The following DTNA variants were observed in gnomAD, a reference collection of about 807,000 sequenced individuals.
DTNA encodes the protein dystrophin-related protein 3.
A neutral mutation model predicts 100.7 loss-of-function variants in DTNA; 43 were observed. The observed-to-expected ratio is 0.43, with a 90% CI of 0.33 to 0.55. The LOEUF (loss-of-function observed/expected upper bound fraction) is 0.55, where lower values mean the gene tolerates loss of function less well. Ranked by LOEUF, DTNA falls within the 20% of genes least tolerant of loss-of-function variation. The probability of loss-of-function intolerance (pLI) is 0.04; values close to 1 mark genes in which losing one functional copy is unlikely to be tolerated. For missense variants in DTNA, 798 were observed against 953.9 expected (o/e 0.84, Z 2.15); for synonymous variants, 349 against 347.9 (o/e 1.00, Z -0.04).
rs542605018 is a variant in DTNA, at chr18:34,851,773, C to G, written c.1435-58C>G. On this transcript the variant is annotated intron_variant, in intron 14 of 22. Coordinates refer to ENST00000444659, the MANE Select transcript of DTNA (RefSeq NM_001386795.1). ...CTGCATATCTCATGACTCCTGCCTTCCCAAATACATAGGTTCACATTCTCA... is the reference window on the plus strand; with the variant it reads ...CTGCATATCTCATGACTCCTGCCTTGCCAAATACATAGGTTCACATTCTCA... The G allele has an allele frequency of 7.1e-5, 112 of 1,570,526 alleles. 1 individual carries two copies. In the South Asian group the frequency reaches 1.2e-3, roughly 17 times the overall value.
chr18:34,527,457 T>G (rs575741043), intron 1 of DTNA, among the ~76,000 whole-genome samples: 2 of 152,120 alleles, frequency 1.3e-5, no homozygotes, highest in East Asian at 3.9e-4. Flanking sequence ...AGACAGAAAC[T>G]TCAGCAAAAT....
At chr18:34,867,331 T>A (rs946461568) in intron 17 of DTNA, 1 of 1,229,378 alleles carries the variant, frequency 8.1e-7, no homozygotes, top group Non-Finnish European at 1.0e-6. Context: ...AGATAATGTA[T>A]TACATTATTT....
At chr18:34,666,434 C>A (rs1309017009) in intron 1 of DTNA, among the ~76,000 whole-genome samples, 1 of 151,850 alleles carries the variant, frequency 6.6e-6, no homozygotes, top group Non-Finnish European at 1.5e-5. Flanking sequence ...AATTAGATCC[C>A]ATTTGTCAAT....
chr18:34,576,749 A>G (rs573842763), intron 1 of DTNA, among the ~76,000 whole-genome samples: 12 of 152,304 alleles, frequency 7.9e-5, no homozygotes, highest in African/African-American at 2.6e-4. Flanking sequence ...ATGAGCAACC[A>G]TGCCCAGCCG....
At chr18:34,842,617 C>T (rs764536724) in intron 13 of DTNA, among the ~76,000 whole-genome samples, 31 of 152,020 alleles carry the variant, frequency 2.0e-4, no homozygotes, top group Non-Finnish European at 4.1e-4. Flanking sequence ...ATTCCTCCAA[C>T]GAACCAAGCT....
At chr18:34,883,054 C>A (rs1384203376) in intron 21 of DTNA, among the ~76,000 whole-genome samples, 2 of 152,182 alleles carry the variant, frequency 1.3e-5, no homozygotes, top group Non-Finnish European at 1.5e-5. Context: ...CTGAACATGA[C>A]ATATACAATT....
intron 1 of DTNA, among the ~76,000 whole-genome samples, chr18:34,654,342 G>C (rs181763608): frequency 9.1e-4 from 138 of 152,294 alleles, no homozygotes; most frequent in African/African-American, 3.3e-3. Context: ...ACCAGTTACT[G>C]AGTGACAGTC....
chr18:34,806,447 T>A, intron 5 of DTNA, 143 bp downstream of exon 5: 1 of 746,432 alleles, frequency 1.3e-6, no homozygotes, highest in Non-Finnish European at 2.3e-6. Flanking sequence ...TTCACTGATG[T>A]TTGGATTTTG....
chr18:34,866,294 A>G (rs995387671), intron 17 of DTNA: 5 of 1,511,538 alleles, frequency 3.3e-6, no homozygotes, highest in Non-Finnish European at 4.4e-6. Context: ...TTGAATTGAG[A>G]TATATAAATT....
intron 19 of DTNA, among the ~76,000 whole-genome samples, chr18:34,878,451 T>C (rs930534188): frequency 1.3e-5 from 2 of 152,080 alleles, no homozygotes; most frequent in Non-Finnish European, 2.9e-5. Context: ...GATGCTAAGG[T>C]TATTTTATAG....
chr18:34,694,671 A>G (rs2080257584), intron 1 of DTNA, among the ~76,000 whole-genome samples: 1 of 152,226 alleles, frequency 6.6e-6, no homozygotes, highest in South Asian at 2.1e-4. Context: ...TGGATAAGTA[A>G]GGTGGCTGTC....
chr18:34,590,100 C>T (rs1333947034), intron 1 of DTNA, among the ~76,000 whole-genome samples: 1 of 152,120 alleles, frequency 6.6e-6, no homozygotes, highest in East Asian at 1.9e-4. Flanking sequence ...TGATGTATTT[C>T]CTTTGGGTAT....
intron 1 of DTNA, among the ~76,000 whole-genome samples, chr18:34,555,213 G>A (rs2045898535): frequency 7.1e-6 from 1 of 141,724 alleles, no homozygotes; most frequent in Admixed American, 6.9e-5. Context: ...TGTGGGATCG[G>A]TGGTGATATC....
intron 1 of DTNA, among the ~76,000 whole-genome samples, chr18:34,746,164 A>T (rs1164674130): frequency 2.0e-5 from 3 of 151,690 alleles, no homozygotes; most frequent in Non-Finnish European, 4.4e-5. Flanking sequence ...AAGGTTAATT[A>T]AAAAAACAGT....
At chr18:34,640,630 A>G (rs748586472) in intron 1 of DTNA, among the ~76,000 whole-genome samples, 15 of 152,332 alleles carry the variant, frequency 9.8e-5, no homozygotes, top group South Asian at 2.1e-4. Context: ...AGTCCTACCA[A>G]TCTTTCTAGG....
intron 1 of DTNA, among the ~76,000 whole-genome samples, chr18:34,617,434 C>A (rs1199394907): frequency 6.6e-6 from 1 of 152,042 alleles, no homozygotes; most frequent in Admixed American, 6.6e-5. Context: ...ATTTATTGAT[C>A]TGGGTATGTT....
intron 17 of DTNA, chr18:34,867,907 C>T: frequency 1.0e-6 from 1 of 985,402 alleles, no homozygotes; most frequent in Non-Finnish European, 1.2e-6. Flanking sequence ...GACCAGGGCC[C>T]ACGTCACCCA....
Position 34,875,242 on chromosome 18 carries a change from CAG to C in DTNA, c.1748_1749del (p.Gln583ArgfsTer60), listed in dbSNP as rs2096803501. ...ATGACCTGCATTGTCTCTCCAGACT[CAG>C]GGGGCAGGCTCTCCCCGCTCCTCCC... ...LEGLMKLLKTQGAGSPRSSPS... is the reference protein window; with the variant it reads ...LEGLMKLLKTXGAGSPRSSPS... On this transcript the variant is annotated frameshift_variant, in exon 18 of 23. Coordinates refer to ENST00000444659, the MANE Select transcript of DTNA (RefSeq NM_001386795.1). LOFTEE classifies it high-confidence loss of function. 6.2e-7 allele frequency: 1 copy of C among 1,613,754 alleles called. No individual in the cohort carries two copies. Among genetic ancestry groups the C allele is most frequent in the Non-Finnish European group, 8.5e-7 (1 of 1,179,858 alleles).
chr18:34,880,361 A>G (rs1313183149), intron 20 of DTNA, among the ~76,000 whole-genome samples: 1 of 152,198 alleles, frequency 6.6e-6, no homozygotes, highest in African/African-American at 2.4e-5. Flanking sequence ...GTCAACAGAG[A>G]AAACCAAAGC....
Sources: allele counts gnomAD v4.1 joint callset (sites outside exome capture counted in the v4.1 genomes callset), GRCh38; gene constraint gnomAD v4.1.1; transcripts MANE v1.5; gene names NCBI Gene and HGNC (gene_info 2026-07-23, HGNC 2026-07-21).